DGKI: variants seen among roughly 807,000 people sequenced by gnomAD.
DGKI encodes DAG kinase iota.
DGKI carries 55 observed loss-of-function variants against 147.5 expected under a neutral mutation model. That is an observed-to-expected ratio of 0.37 (90% confidence interval 0.30 to 0.47). The LOEUF is 0.47. DGKI is among the 20% of genes least tolerant of loss of function. The pLI, the probability that DGKI is intolerant of heterozygous loss-of-function variation, is 1.00. For missense variants in DGKI, 1,007 were observed against 1,323.8 expected (o/e 0.76, Z 3.71); for synonymous variants, 469 against 477.1 (o/e 0.98, Z 0.22).
At chr7:137,616,246 A>C (rs1392171349) in intron 8 of DGKI, among the ~76,000 whole-genome samples, 5 of 152,168 alleles carry the variant, frequency 3.3e-5, no homozygotes, top group African/African-American at 4.8e-5. Flanking sequence ...TCAGATATAG[A>C]GTAAGAATAA....
At chr7:137,439,083 C>A (rs1813392853) in intron 28 of DGKI, among the ~76,000 whole-genome samples, 1 of 152,176 alleles carries the variant, frequency 6.6e-6, no homozygotes, top group Non-Finnish European at 1.5e-5. Flanking sequence ...TCCCAAATTC[C>A]TACAAATGTT....
chr7:137,485,691 C>T lies in DGKI; in HGVS notation c.2329-273G>A, dbSNP rs6950579. ...AGTGTTATATTATTATTTCAATCTC[C>T]TATAGAGGAGACCAGAAGTAAAAGA... is the stretch of plus-strand genomic sequence containing the variant. On this transcript the variant is annotated intron_variant, in intron 22 of 32. Transcript: ENST00000614521. 0.12 allele frequency among the ~76,000 whole-genome samples: 17,632 copies of T among 151,992 alleles called. 1,188 individuals carry two copies. Among genetic ancestry groups the T allele is most frequent in the African/African-American group, 0.19 (7,838 of 41,444 alleles).
intron 21 of DGKI, chr7:137,513,887 T>G: frequency 1.4e-6 from 1 of 699,054 alleles, no homozygotes; most frequent in Non-Finnish European, 2.6e-6. Flanking sequence ...AAGAAGCGAA[T>G]GCGCAGGCTG....
chr7:137,571,226 C>G lies in DGKI; in HGVS notation c.1896G>C (p.Gln632His). The G allele has an allele frequency of 6.2e-7, 1 of 1,613,178 alleles. No individual in the cohort carries two copies. The highest frequency in any genetic ancestry group is 8.5e-7 in the Non-Finnish European group (1 of 1,179,932). The change falls in exon 19 of 33, where the codon CAG becomes CAC. Residue 632 changes from glutamine to histidine, a missense_variant. Physicochemically the swap from Gln to His is conservative, Grantham distance 24. This residue lies in a region of DGKI where 224 missense variants were observed against 382.7 expected (regional missense o/e 0.59). Coordinates refer to ENST00000614521, the MANE Select transcript of DGKI (RefSeq NM_001321708.2). ...CTTCAATATAACCATCATCATGACG[C>G]TGAGGTTCGAAATCATGGTGATCAC... ...NPGDHHDFEPQRHDDGYIEVI... is the reference protein window; with the variant it reads ...NPGDHHDFEPHRHDDGYIEVI...
In DGKI at chr7:137,444,067, T is replaced by C; in HGVS notation, c.2761+10A>G. 1.3e-6 allele frequency: 2 copies of C among 1,562,814 alleles called. No individual in the cohort carries two copies. Among genetic ancestry groups the C allele is most frequent in the Non-Finnish European group, 1.7e-6 (2 of 1,153,728 alleles). On this transcript the variant is annotated intron_variant, in intron 28 of 32. Transcript: ENST00000614521. ...CCTGAATTGGTATAAATAAGACAGATGATTCTTACCATGATCTTCTGAAGA... is the reference window on the plus strand; with the variant it reads ...CCTGAATTGGTATAAATAAGACAGACGATTCTTACCATGATCTTCTGAAGA...
chr7:137,681,516 A>G (rs1246388406), intron 2 of DGKI, among the ~76,000 whole-genome samples: 1 of 152,252 alleles, frequency 6.6e-6, no homozygotes, highest in African/African-American at 2.4e-5. Flanking sequence ...ATAACCATTT[A>G]TACAGAATAA....
intron 6 of DGKI, among the ~76,000 whole-genome samples, chr7:137,642,915 G>A (rs1340038562): frequency 7.1e-6 from 1 of 141,082 alleles, no homozygotes; most frequent in Non-Finnish European, 1.5e-5. Context: ...ATCCCAATGA[G>A]TAAATTATGG....
rs1563125140 is a variant in DGKI, at chr7:137,638,464, GTGTATATATGTGTGTA to G, written c.804+6992_804+7007del. Among the ~76,000 whole-genome samples the G allele has an allele frequency of 9.2e-4, 85 of 92,862 alleles. 5 individuals are homozygous for G. The highest frequency in any genetic ancestry group is 5.0e-3 in the African/African-American group (78 of 15,668). The allele number at this position is 92,862 out of a possible 152,430, so 60.9% of individuals were successfully genotyped here. ...TATATACACACACACATATATATGT[GTGTATATATGTGTGTA>G]TATATATACACACATATATATGTAT... On this transcript the variant is annotated intron_variant, in intron 6 of 32. Transcript: ENST00000614521.
At chr7:137,721,028 G>C (rs1397358357) in intron 1 of DGKI, among the ~76,000 whole-genome samples, 1 of 151,846 alleles carries the variant, frequency 6.6e-6, no homozygotes, top group African/African-American at 2.4e-5. Context: ...ATACCTTTTT[G>C]CATAACAACC....
At chr7:137,404,450 C>T (rs888417862) in intron 30 of DGKI, among the ~76,000 whole-genome samples, 3 of 152,154 alleles carry the variant, frequency 2.0e-5, no homozygotes, top group African/African-American at 7.2e-5. Context: ...CCATATTCAG[C>T]TATAGTAGTA....
At chr7:137,466,755 T>C (rs1814676747) in intron 25 of DGKI, 147 bp downstream of exon 25, 1 of 770,542 alleles carries the variant, frequency 1.3e-6, no homozygotes, top group South Asian at 1.5e-5. Context: ...TGAAGACAAA[T>C]AAAAGGTTCA....
At chr7:137,747,433 G>A (rs996593309) in intron 1 of DGKI, among the ~76,000 whole-genome samples, 2 of 152,132 alleles carry the variant, frequency 1.3e-5, no homozygotes, top group Non-Finnish European at 2.9e-5. Context: ...AGCTATAACA[G>A]AAAATACCCT....
intron 1 of DGKI, among the ~76,000 whole-genome samples, chr7:137,749,857 C>A (rs1173742831): frequency 6.6e-6 from 1 of 151,966 alleles, no homozygotes; most frequent in Non-Finnish European, 1.5e-5. Flanking sequence ...TGCAGCAAGT[C>A]CTGATTCCAG....
chr7:137,778,468 G>A (rs1450990336), intron 1 of DGKI, among the ~76,000 whole-genome samples: 5 of 152,154 alleles, frequency 3.3e-5, no homozygotes, highest in Non-Finnish European at 7.4e-5. Flanking sequence ...TTACTTAGGG[G>A]ACAATGGGCA....
intron 27 of DGKI, among the ~76,000 whole-genome samples, chr7:137,451,081 G>C (rs1354866826): frequency 6.6e-6 from 1 of 152,070 alleles, no homozygotes; most frequent in Non-Finnish European, 1.5e-5. Flanking sequence ...AAAAGCAAAA[G>C]TCCCTTGAAT....
chr7:137,649,398 G>T (rs1017913128), intron 5 of DGKI, among the ~76,000 whole-genome samples: 3 of 152,078 alleles, frequency 2.0e-5, no homozygotes, highest in Non-Finnish European at 1.5e-5. Flanking sequence ...ATATATTGTT[G>T]TTAAGATAGC....
At chr7:137,460,409 C>T (rs1294219788) in intron 27 of DGKI, among the ~76,000 whole-genome samples, 1 of 152,026 alleles carries the variant, frequency 6.6e-6, no homozygotes, top group Non-Finnish European at 1.5e-5. Context: ...TATTAAAAAC[C>T]CACATATATC....
At chr7:137,766,753 G>T (rs906424090) in intron 1 of DGKI, among the ~76,000 whole-genome samples, 5 of 152,142 alleles carry the variant, frequency 3.3e-5, no homozygotes, top group African/African-American at 1.2e-4. Flanking sequence ...GGTGGTGAGG[G>T]TGGTGCATGG....
intron 21 of DGKI, among the ~76,000 whole-genome samples, chr7:137,498,911 A>G (rs1289454231): frequency 6.6e-6 from 1 of 152,200 alleles, no homozygotes; most frequent in Non-Finnish European, 1.5e-5. Context: ...TTTGATAGCT[A>G]GAACTCAACT....
Sources: allele counts gnomAD v4.1 joint callset (sites outside exome capture counted in the v4.1 genomes callset), GRCh38; gene constraint gnomAD v4.1.1; regional missense constraint gnomAD v4.1.1; transcripts MANE v1.5; gene names NCBI Gene and HGNC (gene_info 2026-07-23, HGNC 2026-07-21).